NCKAP5: variants seen among roughly 807,000 people sequenced by gnomAD.
NCKAP5 encodes the protein NCK associated protein 5, also known as nck-associated protein 5.
In NCKAP5, 92 loss-of-function variants were observed where a neutral mutation model predicts 167.0. The ratio of observed to expected loss-of-function variants is 0.55; its 90% CI spans 0.47 to 0.66. The LOEUF is 0.66. Ranked by LOEUF, NCKAP5 falls within the 30% of genes least tolerant of loss-of-function variation. The pLI, the probability that NCKAP5 is intolerant of heterozygous loss-of-function variation, is 0.00. For synonymous variants in NCKAP5, 891 were observed against 877.4 expected (o/e 1.02, Z -0.27); for missense variants, 2,378 against 2,315.0 (o/e 1.03, Z -0.56).
At chr2:133,196,020 T>C (rs2085421334) in intron 5 of NCKAP5, among the ~76,000 whole-genome samples, 1 of 152,102 alleles carries the variant, frequency 6.6e-6, no homozygotes, top group Non-Finnish European at 1.5e-5. Context: ...GCTTCCTTCT[T>C]TCTGGGTAAA....
chr2:132,728,580 A>T (rs1468450500), intron 18 of NCKAP5, among the ~76,000 whole-genome samples: 4 of 152,212 alleles, frequency 2.6e-5, no homozygotes, highest in African/African-American at 9.6e-5. Flanking sequence ...ATACCCAAGA[A>T]TCTGGGTGCA....
intron 8 of NCKAP5, among the ~76,000 whole-genome samples, chr2:132,939,591 T>G (rs532569876): frequency 1.5e-4 from 23 of 152,346 alleles, no homozygotes; most frequent in African/African-American, 3.8e-4. Context: ...TCAGTTTTTT[T>G]ATTTCAATAG....
chr2:133,023,547 C>T (rs1202908421), intron 6 of NCKAP5, among the ~76,000 whole-genome samples: 5 of 152,078 alleles, frequency 3.3e-5, no homozygotes, highest in African/African-American at 9.7e-5. Context: ...ATCCCATCAC[C>T]CAGGTACTGA....
the NCKAP5 span, among the ~76,000 whole-genome samples, chr2:133,574,414 G>A: frequency 2.0e-5 from 3 of 152,162 alleles, no homozygotes; most frequent in African/African-American, 7.2e-5. Context: ...AGACTCTTCA[G>A]GCTCTGGTGG....
At chr2:133,513,080 C>G (rs1391180798) in intron 3 of NCKAP5, among the ~76,000 whole-genome samples, 1 of 152,180 alleles carries the variant, frequency 6.6e-6, no homozygotes, top group African/African-American at 2.4e-5. Context: ...AGATGGCACA[C>G]TCAAAGCATC....
intron 3 of NCKAP5, among the ~76,000 whole-genome samples, chr2:133,335,404 C>A (rs144643248): frequency 6.6e-6 from 1 of 152,106 alleles, no homozygotes; most frequent in Non-Finnish European, 1.5e-5. Flanking sequence ...GCTGGGTGTA[C>A]CTTTTGCTTT....
At chr2:133,231,372 T>C (rs2087139062) in intron 4 of NCKAP5, among the ~76,000 whole-genome samples, 1 of 152,168 alleles carries the variant, frequency 6.6e-6, no homozygotes, top group African/African-American at 2.4e-5. Flanking sequence ...TCACCCTTTG[T>C]TACCTAACAT....
At chr2:132,999,235 T>C (rs1023006029) in intron 6 of NCKAP5, among the ~76,000 whole-genome samples, 1 of 152,238 alleles carries the variant, frequency 6.6e-6, no homozygotes, top group Non-Finnish European at 1.5e-5. Context: ...AAATTCTTAT[T>C]ACACTGTTTC....
chr2:133,562,436 C>G (rs185428115), intron 1 of NCKAP5, among the ~76,000 whole-genome samples: 1 of 152,166 alleles, frequency 6.6e-6, no homozygotes, highest in African/African-American at 2.4e-5. Context: ...TTGAGAAATG[C>G]CTTTTGGGCT....
chr2:132,920,952 T>C (rs563304551), intron 8 of NCKAP5, among the ~76,000 whole-genome samples: 2 of 150,882 alleles, frequency 1.3e-5, no homozygotes, highest in South Asian at 2.1e-4. Flanking sequence ...ATCTCCCTTG[T>C]GGCATTTAGG....
intron 3 of NCKAP5, among the ~76,000 whole-genome samples, chr2:133,410,786 T>C (rs1688726153): frequency 6.6e-6 from 1 of 152,212 alleles, no homozygotes; most frequent in African/African-American, 2.4e-5. Context: ...TGTAGATAAA[T>C]CATTCTTAAC....
At chr2:132,895,552 G>C (rs990466619) in intron 8 of NCKAP5, among the ~76,000 whole-genome samples, 12 of 152,062 alleles carry the variant, frequency 7.9e-5, no homozygotes, top group Non-Finnish European at 1.5e-4. Context: ...CAGGGCTGGA[G>C]TCATTGCTGT....
intron 4 of NCKAP5, among the ~76,000 whole-genome samples, chr2:133,296,586 T>C (rs1679977608): frequency 6.6e-6 from 1 of 152,234 alleles, no homozygotes; most frequent in African/African-American, 2.4e-5. Flanking sequence ...TATCATTGCA[T>C]AATATTTAAG....
chr2:133,300,520 A>G (rs780852074), intron 4 of NCKAP5, among the ~76,000 whole-genome samples: 2,291 of 123,960 alleles, frequency 0.018, 7 homozygotes, highest in Non-Finnish European at 0.027. Context: ...AGAGCCAAAG[A>G]CAAAAACCAC....
the NCKAP5 span, among the ~76,000 whole-genome samples, chr2:133,605,061 T>C: frequency 6.6e-6 from 1 of 152,192 alleles, no homozygotes; most frequent in East Asian, 1.9e-4. Flanking sequence ...ATTTTGCAGT[T>C]TTAATTAATA....
intron 2 of NCKAP5, among the ~76,000 whole-genome samples, chr2:133,523,283 C>T (rs1684620793): frequency 6.7e-6 from 1 of 149,418 alleles, no homozygotes; most frequent in Non-Finnish European, 1.5e-5. Flanking sequence ...AAGGCATATC[C>T]CCTCACATAC....
At chr2:133,624,100 G>A in the NCKAP5 span, among the ~76,000 whole-genome samples, 56 of 152,158 alleles carry the variant, frequency 3.7e-4, 1 homozygote, top group Admixed American at 5.9e-4. Flanking sequence ...AAAGGCATAA[G>A]AATGATACAT....
intron 3 of NCKAP5, among the ~76,000 whole-genome samples, chr2:133,375,560 A>G (rs1574829532): frequency 6.6e-6 from 1 of 152,214 alleles, no homozygotes; most frequent in Non-Finnish European, 1.5e-5. Flanking sequence ...CATAGTATCC[A>G]TTAGTTATTT....
At chr2:133,410,505 G>C (rs761613702) in intron 3 of NCKAP5, among the ~76,000 whole-genome samples, 7 of 152,162 alleles carry the variant, frequency 4.6e-5, no homozygotes, top group Non-Finnish European at 1.0e-4. Flanking sequence ...GTCATGTATT[G>C]GTTCAATCCT....
Sources: gnomAD v4.1 joint callset for allele counts (sites outside exome capture counted in the v4.1 genomes callset) on GRCh38, gnomAD v4.1.1 for gene constraint, MANE v1.5 for transcripts, NCBI Gene and HGNC (gene_info 2026-07-23, HGNC 2026-07-21) for gene names.